MAST2: variants seen among roughly 807,000 people sequenced by gnomAD.
MAST2 encodes microtubule-associated serine/threonine-protein kinase 2.
In MAST2, 70 loss-of-function variants were observed where a neutral mutation model predicts 147.4. The ratio of observed to expected loss-of-function variants is 0.47; its 90% CI spans 0.39 to 0.58. The LOEUF is 0.58. Among genes scored for constraint, MAST2 ranks in the 20% least tolerant of loss-of-function variants. The pLI is 0.00. For missense variants in MAST2, 2,080 were observed against 2,302.3 expected, an observed-to-expected ratio of 0.90 and a Z score of 1.98; for synonymous variants, 869 against 896.8, an observed-to-expected ratio of 0.97 and a Z score of 0.55.
chr1:45,913,803 G>C (rs1420718786), intron 4 of MAST2: 1 of 1,171,204 alleles, frequency 8.5e-7, no homozygotes, highest in Admixed American at 3.6e-5. Flanking sequence ...ACTCCAGTGT[G>C]AGGGCAAAAC....
intron 2 of MAST2, among the ~76,000 whole-genome samples, chr1:45,825,727 C>A (rs1644771825): frequency 6.6e-6 from 1 of 151,888 alleles, no homozygotes; most frequent in Non-Finnish European, 1.5e-5. Context: ...GGTGAGCCAC[C>A]ACGCCTGCCT....
Position 46,010,942 on chromosome 1 carries a change from G to T in MAST2, c.1188+3G>T, listed in dbSNP as rs776011243. On this transcript the variant is annotated splice_donor_region_variant and intron_variant, in intron 10 of 28. Transcript: ENST00000361297. The stretch of plus-strand genomic sequence containing the variant: ...ATTTGGAGAAACTTTTACAAGATGT[G>T]AGTGTCCTTGTGCTGGGGTTCTGAA... The T allele has an allele frequency of 2.5e-6, 4 of 1,612,384 alleles. No homozygotes were observed. Among genetic ancestry groups the T allele is most frequent in the Non-Finnish European group, 3.4e-6 (4 of 1,178,476 alleles).
rs748196521 is a variant in MAST2 at position 46,034,506 on chromosome 1, T to TTGTC, written c.3869-14_3869-11dup. 5.3e-4 allele frequency: 837 copies of TTGTC among 1,586,522 alleles called. 1 individual carries two copies. The highest frequency in any genetic ancestry group is 1.3e-3 in the Middle Eastern group (8 of 5,978). Reference sequence around the variant, plus strand: ...TCTAACAGCTAACACTGCTCTGCTTTTGTCTGTCTGTCTGTCTGTCTCTGT... The same window carrying TTGTC: ...TCTAACAGCTAACACTGCTCTGCTTTTGTCTGTCTGTCTGTCTGTCTGTCTCTGT... On this transcript the variant is annotated intron_variant, in intron 28 of 28. Transcript: ENST00000361297.
intron 3 of MAST2, among the ~76,000 whole-genome samples, chr1:45,857,180 A>G (rs1367208126): frequency 6.6e-6 from 1 of 152,152 alleles, no homozygotes; most frequent in African/African-American, 2.4e-5. Flanking sequence ...ATCTATTTCT[A>G]TTAACAGTTG....
At chr1:45,928,248 A>G (rs1654723528) in intron 4 of MAST2, among the ~76,000 whole-genome samples, 1 of 152,188 alleles carries the variant, frequency 6.6e-6, no homozygotes, top group African/African-American at 2.4e-5. Context: ...CATTTCATCT[A>G]TACATATTTG....
intron 4 of MAST2, chr1:45,917,499 G>A (rs768427935): frequency 3.7e-6 from 5 of 1,366,406 alleles, no homozygotes; most frequent in Non-Finnish European, 4.9e-6. Context: ...CAGCAGTCCT[G>A]GCACTCCTTG....
chr1:45,892,130 C>T (rs76123431), intron 4 of MAST2, among the ~76,000 whole-genome samples: 4,439 of 152,284 alleles, frequency 0.029, 102 homozygotes, highest in Middle Eastern at 0.054. Flanking sequence ...TGTGACCTTT[C>T]AGGCAAGCTC....
intron 3 of MAST2, among the ~76,000 whole-genome samples, chr1:45,835,568 G>A (rs866264281): frequency 1.0e-3 from 159 of 151,808 alleles, no homozygotes; most frequent in African/African-American, 3.6e-3. Context: ...TGTCATTTTG[G>A]GTGCCATATT....
rs1286851534 is a variant in MAST2, at chr1:46,032,353, T to G, written c.3363T>G (p.Ile1121Met). Residue 1121 changes from isoleucine (I) to methionine (M), a missense_variant, in exon 25 of 29, where the codon ATT becomes ATG. This residue lies in a region of MAST2 where 1,278 missense variants were observed against 1,304.2 expected (regional missense o/e 0.98). Coordinates refer to ENST00000361297, the MANE Select transcript of MAST2 (RefSeq NM_015112.3). ...GKKYGFTLRA[I>M]RVYMGDSDVY... ...AGTATGGCTTCACCCTGCGGGCCAT[T>G]CGCGTCTACATGGGTGACTCCGATG... 1 of 1,614,124 alleles carries G rather than the reference T, an allele frequency of 6.2e-7. No individual in the cohort carries two copies. Among genetic ancestry groups the G allele is most frequent in the South Asian group, 1.1e-5 (1 of 91,078 alleles).
intron 3 of MAST2, among the ~76,000 whole-genome samples, chr1:45,857,247 A>G (rs1241139669): frequency 6.6e-6 from 1 of 152,208 alleles, no homozygotes; most frequent in Non-Finnish European, 1.5e-5. Context: ...TTGTAAATCA[A>G]TGAAAGGAAG....
chr1:45,905,971 G>T (rs910859727), intron 4 of MAST2, among the ~76,000 whole-genome samples: 1 of 152,140 alleles, frequency 6.6e-6, no homozygotes, highest in African/African-American at 2.4e-5. Flanking sequence ...GTTATGATCA[G>T]ATTTGAGCCA....
At chr1:45,842,313 T>C (rs973801641) in intron 3 of MAST2, among the ~76,000 whole-genome samples, 12 of 152,194 alleles carry the variant, frequency 7.9e-5, no homozygotes, top group African/African-American at 1.7e-4. Flanking sequence ...AATATTGATA[T>C]GAAATTTACA....
At chr1:45,978,577 GC>G (rs1358675991) in intron 5 of MAST2, among the ~76,000 whole-genome samples, 1 of 152,108 alleles carries the variant, frequency 6.6e-6, no homozygotes, top group Non-Finnish European at 1.5e-5. Flanking sequence ...ACCAATAATG[GC>G]TTAAAGAGTG....
intron 4 of MAST2, among the ~76,000 whole-genome samples, chr1:45,887,256 A>G (rs1373323339): frequency 6.6e-6 from 1 of 152,218 alleles, no homozygotes; most frequent in East Asian, 1.9e-4. Flanking sequence ...TAGGCTTAAG[A>G]TAATTTTCCT....
chr1:45,997,900 AGT>A, intron 6 of MAST2, 101 bp downstream of exon 6: 1 of 963,578 alleles, frequency 1.0e-6, no homozygotes, highest in South Asian at 1.3e-5. Flanking sequence ...TACTCTTTCA[AGT>A]GTATTACCTG....
Position 46,032,355 on chromosome 1 carries a change from G to A in MAST2, c.3365G>A (p.Arg1122His), listed in dbSNP as rs752084137. Residue 1122 changes from arginine (R) to histidine (H), a missense_variant, in exon 25 of 29, where the codon CGC becomes CAC. By Grantham distance (29) the Arg-to-His change is conservative. Coordinates refer to ENST00000361297, the MANE Select transcript of MAST2 (RefSeq NM_015112.3). ...KKYGFTLRAI[R>H]VYMGDSDVYT... is the part of the protein sequence containing the mutation. Reference sequence around the variant, plus strand: ...TATGGCTTCACCCTGCGGGCCATTCGCGTCTACATGGGTGACTCCGATGTC... The same window carrying A: ...TATGGCTTCACCCTGCGGGCCATTCACGTCTACATGGGTGACTCCGATGTC... 8.7e-6 allele frequency: 14 copies of A among 1,613,076 alleles called. 1 individual carries two copies. The South Asian group carries it at 9.9e-5, about 11-fold the overall frequency.
chr1:46,029,671 G>A lies in MAST2; in HGVS notation c.2320+104G>A. 7 of 1,373,284 alleles carry A rather than the reference G, an allele frequency of 5.1e-6. No homozygotes were observed. In the South Asian group the frequency reaches 9.3e-5, roughly 18 times the overall value. The allele number at this position is 1,373,284 out of a possible 1,614,324, so 85.1% of individuals were successfully genotyped here. On this transcript the variant is annotated intron_variant, in intron 19 of 28. Coordinates refer to ENST00000361297, the MANE Select transcript of MAST2 (RefSeq NM_015112.3). ...GGCTTCGGTTACGGGCAGCCCCTCT[G>A]GATCCTGAAACTCTGCCCTGCTCTG...
chr1:45,918,828 C>T (rs1293663715), intron 4 of MAST2, among the ~76,000 whole-genome samples: 1 of 152,122 alleles, frequency 6.6e-6, no homozygotes, highest in Non-Finnish European at 1.5e-5. Context: ...AAAGATCACG[C>T]TGGGCTGGGC....
At chr1:45,905,442 C>T (rs933697919) in intron 4 of MAST2, among the ~76,000 whole-genome samples, 1 of 152,154 alleles carries the variant, frequency 6.6e-6, no homozygotes, top group African/African-American at 2.4e-5. Context: ...CCGTCTTGGC[C>T]TCCCAAAGTG....
Sources: gnomAD v4.1 joint callset for allele counts (sites outside exome capture counted in the v4.1 genomes callset) on GRCh38, gnomAD v4.1.1 for gene constraint, gnomAD v4.1.1 regional missense constraint, MANE v1.5 for transcripts, NCBI Gene and HGNC (gene_info 2026-07-23, HGNC 2026-07-21) for gene names.